Variants in PRDM10 observed in about 807,000 individuals in gnomAD.
PRDM10 encodes the protein PR/SET domain 10.
In PRDM10, 65 loss-of-function variants were observed where a neutral mutation model predicts 133.1. The ratio of observed to expected loss-of-function variants is 0.49; its 90% CI spans 0.40 to 0.60. The LOEUF is 0.60. Ranked by LOEUF, PRDM10 falls within the 20% of genes least tolerant of loss-of-function variation. The probability of loss-of-function intolerance (pLI) is 0.00; values close to 1 mark genes in which losing one functional copy is unlikely to be tolerated. For synonymous variants in PRDM10, 582 were observed against 580.4 expected, an observed-to-expected ratio of 1.00 and a Z score of -0.04; for missense variants, 1,137 against 1,507.1, an observed-to-expected ratio of 0.75 and a Z score of 4.07.
chr11:129,944,507 C>T (rs953758106), intron 6 of PRDM10, among the ~76,000 whole-genome samples: 4 of 151,792 alleles, frequency 2.6e-5, no homozygotes, highest in Non-Finnish European at 5.9e-5. Flanking sequence ...ATGGCGTGAA[C>T]CCGGAAGGCG....
In PRDM10 at chr11:129,947,480, C is replaced by T. The variant is rs1951458795; in HGVS notation, c.295-110G>A. On this transcript the variant is annotated intron_variant, in intron 4 of 20. Transcript: ENST00000360871. This position sits in a 1 kb window ranked among gnomAD's most constrained non-coding sequence, Gnocchi z 4.6. Reference sequence around the variant, plus strand: ...AAGGGCTGGCTGAAATCTAGTCTTCCTACCAACTCCTTCCAGGCCCTGGAA... The same window carrying T: ...AAGGGCTGGCTGAAATCTAGTCTTCTTACCAACTCCTTCCAGGCCCTGGAA... The T allele has an allele frequency of 1.9e-6, 3 of 1,553,982 alleles. No individual in the cohort carries two copies. Among genetic ancestry groups the T allele is most frequent in the South Asian group, 2.5e-5 (2 of 81,618 alleles).
intron 1 of PRDM10, among the ~76,000 whole-genome samples, 170 bp downstream of exon 1, chr11:130,002,552 A>AT (rs1006137083): frequency 3.4e-5 from 5 of 148,932 alleles, no homozygotes; most frequent in South Asian, 2.2e-4. Context: ...ACCACCATCA[A>AT]TTCCCCCCCC....
At chr11:129,905,513 A>C in intron 20 of PRDM10, 125 bp downstream of exon 20, 1 of 777,840 alleles carries the variant, frequency 1.3e-6, no homozygotes, top group Admixed American at 2.2e-5. Context: ...CCTAGCTTTC[A>C]AAGAATTCAT....
At position 129,985,830 on chromosome 11, in the gene PRDM10, A is replaced by G. The variant is rs1239908743; in HGVS notation, c.-119+16892T>C. Among the ~76,000 whole-genome samples, 9 of 134,414 alleles carry G rather than the reference A, an allele frequency of 6.7e-5. No individual in the cohort carries two copies. In the East Asian group the frequency reaches 1.7e-3, roughly 26 times the overall value. 88.2% of individuals were successfully genotyped at this position (134,414 alleles called of 152,430 possible). A position where few individuals can be genotyped will look rare whatever the true frequency, so the allele number is the denominator to read the frequency against. Reference sequence around the variant, plus strand: ...AAAAAATATATATATATATATATATATATGTATATATAGTAATAAAAGAAA... The same window carrying G: ...AAAAAATATATATATATATATATATGTATGTATATATAGTAATAAAAGAAA... On this transcript the variant is annotated intron_variant, in intron 1 of 20. Coordinates refer to ENST00000360871, the MANE Select transcript of PRDM10 (RefSeq NM_199437.2).
chr11:129,922,339 G>T (rs1285057968), intron 13 of PRDM10, among the ~76,000 whole-genome samples: 1 of 152,290 alleles, frequency 6.6e-6, no homozygotes, highest in East Asian at 1.9e-4. Context: ...AATCCTTTTA[G>T]ATATGATTTT....
intron 11 of PRDM10, among the ~76,000 whole-genome samples, chr11:129,930,084 T>C (rs1347498533): frequency 2.6e-5 from 4 of 152,230 alleles, no homozygotes; most frequent in Admixed American, 2.0e-4. Flanking sequence ...TGTTTTTACA[T>C]GAAGGCATGG....
intron 18 of PRDM10, among the ~76,000 whole-genome samples, chr11:129,911,742 C>CATACA (rs1265743263): frequency 6.6e-6 from 1 of 152,172 alleles, no homozygotes; most frequent in Non-Finnish European, 1.5e-5. Context: ...CAGACTCAAG[C>CATACA]ATACAAACAC....
At chr11:129,995,898 A>G (rs948950381) in intron 1 of PRDM10, among the ~76,000 whole-genome samples, 1 of 152,128 alleles carries the variant, frequency 6.6e-6, no homozygotes, top group African/African-American at 2.4e-5. Flanking sequence ...GTGAGCTGAG[A>G]TCATGCCACT....
intron 13 of PRDM10, among the ~76,000 whole-genome samples, chr11:129,921,642 GT>G (rs947262333): frequency 6.6e-5 from 10 of 152,226 alleles, no homozygotes; most frequent in Admixed American, 2.0e-4. Context: ...GGTGGTAGTG[GT>G]TTTGTGCTGG....
chr11:129,936,909 T>C (rs1026845957), intron 8 of PRDM10, among the ~76,000 whole-genome samples: 5 of 152,190 alleles, frequency 3.3e-5, no homozygotes, highest in African/African-American at 1.2e-4. Flanking sequence ...ACATCAACTG[T>C]TTTACATTCA....
rs1196632194 is a variant in PRDM10, at chr11:129,918,661, T to G, written c.2092A>C (p.Lys698Gln). The change falls in exon 14 of 21, where the codon AAG (lysine) becomes CAG (glutamine). Residue 698 changes from lysine to glutamine, a missense_variant. By Grantham distance (53) the Lys-to-Gln change is moderately conservative. This residue lies in a region of PRDM10 where 78 missense variants were observed against 96.4 expected (regional missense o/e 0.81). Coordinates refer to ENST00000360871, the MANE Select transcript of PRDM10 (RefSeq NM_199437.2). This position sits in a 1 kb window ranked among gnomAD's most constrained non-coding sequence, Gnocchi z 5.3. ...GAGCGGCTGATGCGGTCGGCTTTCTTGGCCTCCCTCTCAGGATTATGCATC... is the reference window on the plus strand; with the variant it reads ...GAGCGGCTGATGCGGTCGGCTTTCTGGGCCTCCCTCTCAGGATTATGCATC... ...QRMHNPEREA[K>Q]KADRISRSKT... 2 of 1,614,210 alleles carry G rather than the reference T, an allele frequency of 1.2e-6. No homozygotes were observed. Among genetic ancestry groups the G allele is most frequent in the East Asian group, 4.5e-5 (2 of 44,882 alleles).
intron 5 of PRDM10, among the ~76,000 whole-genome samples, chr11:129,946,448 A>G (rs1372329710): frequency 2.0e-5 from 3 of 152,180 alleles, no homozygotes; most frequent in African/African-American, 4.8e-5. Flanking sequence ...AAAGCTCTGA[A>G]GAGCCTCAGT....
intron 1 of PRDM10, among the ~76,000 whole-genome samples, chr11:129,984,910 A>G (rs1204410976): frequency 6.6e-6 from 1 of 152,142 alleles, no homozygotes; most frequent in Non-Finnish European, 1.5e-5. Flanking sequence ...TCCAGATCTC[A>G]GGGTCAATGC....
At chr11:129,937,503 T>C (rs1351847020) in intron 8 of PRDM10, 95 bp downstream of exon 8, 4 of 1,120,370 alleles carry the variant, frequency 3.6e-6, no homozygotes, top group Admixed American at 2.6e-5. Flanking sequence ...TTCTGAAATA[T>C]ACTGAGACAA....
intron 1 of PRDM10, among the ~76,000 whole-genome samples, chr11:129,969,117 G>C (rs1365917540): frequency 2.6e-5 from 4 of 152,198 alleles, no homozygotes; most frequent in Non-Finnish European, 5.9e-5. Context: ...AGGCTTAGCT[G>C]ACCCAGAGAC....
chr11:129,903,590 A>T (rs1379750443), intron 20 of PRDM10, among the ~76,000 whole-genome samples: 1 of 152,170 alleles, frequency 6.6e-6, no homozygotes, highest in Non-Finnish European at 1.5e-5. Flanking sequence ...TTTTAAAGAA[A>T]TGTGTCTGTC....
Position 129,957,847 on chromosome 11 carries a change from G to A in PRDM10, c.133C>T (p.Pro45Ser), listed in dbSNP as rs370492872. The A allele has an allele frequency of 1.9e-6, 3 of 1,614,028 alleles. No individual in the cohort carries two copies. The African/African-American group carries it at 4.0e-5, about 22-fold the overall frequency. ...GCCGTGTACACCACCTGCTGTGGGG[G>A]GCGAACCTGGTCATCGGTATAGACA... ...QIVYTDDQVR[P>S]PQQVVYTADG... Residue 45 changes from proline (P) to serine (S), a missense_variant, in exon 3 of 21, where the codon CCC becomes TCC. This residue lies in a region of PRDM10 where 635 missense variants were observed against 835.2 expected (regional missense o/e 0.76). Coordinates refer to ENST00000360871, the MANE Select transcript of PRDM10 (RefSeq NM_199437.2).
At chr11:129,961,716 T>A (rs7932798) in intron 1 of PRDM10, among the ~76,000 whole-genome samples, 1,846 of 152,074 alleles carry the variant, frequency 0.012, 29 homozygotes, top group African/African-American at 0.035. Context: ...AAAGAAATTT[T>A]AAAAAAATAA....
In PRDM10 at chr11:129,914,975, G is replaced by A. The variant is rs765451854; in HGVS notation, c.2570C>T (p.Ala857Val). The A allele has an allele frequency of 2.8e-5, 45 of 1,608,882 alleles. No homozygotes were observed. The highest frequency in any genetic ancestry group is 3.7e-5 in the Non-Finnish European group (44 of 1,175,544). ...TGTGTGTATGGTGTTGGAGAGCTGG[G>A]CGAACTCTGGATGCTTCTTTCGAAT... ...QHIRKKHPEF[A>V]QLSNTIHTPL... Residue 857 changes from alanine (A) to valine (V), a missense_variant, in exon 17 of 21, where the codon GCC (alanine) becomes GTC (valine). By Grantham distance (64) the Ala-to-Val change is moderately conservative. Coordinates refer to ENST00000360871, the MANE Select transcript of PRDM10 (RefSeq NM_199437.2).
Sources: allele counts gnomAD v4.1 joint callset (sites outside exome capture counted in the v4.1 genomes callset), GRCh38; gene constraint gnomAD v4.1.1; regional missense constraint gnomAD v4.1.1; non-coding constraint Gnocchi (gnomAD v3.1); transcripts MANE v1.5; gene names NCBI Gene and HGNC (gene_info 2026-07-23, HGNC 2026-07-21).